The following EPHA6 variants were observed in gnomAD, a reference collection of about 807,000 sequenced individuals.
EPHA6 encodes EPH receptor A6, also known as ephrin type-A receptor 6.
Under a neutral mutation model 112.0 loss-of-function variants are expected in EPHA6, and 50 were observed. The observed-to-expected ratio is 0.45, with a 90% CI of 0.36 to 0.56. The LOEUF (loss-of-function observed/expected upper bound fraction) is 0.56, where lower values mean the gene tolerates loss of function less well. EPHA6 is among the 20% of genes least tolerant of loss of function. The pLI is 0.00. For synonymous variants in EPHA6, 529 were observed against 490.7 expected, an observed-to-expected ratio of 1.08 and a Z score of -1.03; for missense variants, 1,280 against 1,417.4, an observed-to-expected ratio of 0.90 and a Z score of 1.56.
At chr3:97,488,827 G>A (rs2091763272) in intron 10 of EPHA6, among the ~76,000 whole-genome samples, 1 of 152,158 alleles carries the variant, frequency 6.6e-6, no homozygotes, top group South Asian at 2.1e-4. Context: ...ATGTTGAGTA[G>A]ACTGAGAATA....
intron 10 of EPHA6, among the ~76,000 whole-genome samples, chr3:97,513,284 A>G (rs1330832876): frequency 6.6e-6 from 1 of 152,196 alleles, no homozygotes; most frequent in Non-Finnish European, 1.5e-5. Context: ...TGATCCATCA[A>G]TCCCACCACT....
At chr3:97,664,334 G>C (rs539586366) in intron 14 of EPHA6, among the ~76,000 whole-genome samples, 20 of 152,266 alleles carry the variant, frequency 1.3e-4, no homozygotes, top group African/African-American at 4.6e-4. Context: ...AAGCTCTTTA[G>C]TTTAATTAGA....
In EPHA6 at chr3:97,716,361, G is replaced by A. The variant is rs540582284; in HGVS notation, c.2785-3900G>A. Among the ~76,000 whole-genome samples the A allele has an allele frequency of 8.0e-5, 10 of 125,284 alleles. No individual in the cohort carries two copies. The South Asian group carries it at 2.2e-3, about 28-fold the overall frequency. 82.2% of individuals were successfully genotyped at this position (125,284 alleles called of 152,430 possible). On this transcript the variant is annotated intron_variant, in intron 14 of 17. Coordinates refer to ENST00000389672, the MANE Select transcript of EPHA6 (RefSeq NM_001080448.3). ...AGGCGGGTGGATCATGAGGTCAGGAGATCGAGACCATCCTGGCTAACAAGG... is the reference window on the plus strand; with the variant it reads ...AGGCGGGTGGATCATGAGGTCAGGAAATCGAGACCATCCTGGCTAACAAGG...
chr3:97,402,634 T>C (rs1467011878), intron 5 of EPHA6, among the ~76,000 whole-genome samples: 2 of 152,100 alleles, frequency 1.3e-5, no homozygotes, highest in African/African-American at 4.8e-5. Flanking sequence ...TTTTAAATAG[T>C]GAATTATCTG....
chr3:97,118,404 G>A (rs2047953698), intron 3 of EPHA6, among the ~76,000 whole-genome samples: 1 of 151,598 alleles, frequency 6.6e-6, no homozygotes, highest in Admixed American at 6.6e-5. Context: ...TATCTCATCA[G>A]CTGTCTAATG....
At chr3:97,371,936 GGTCAGAACGGTT>G (rs1324622611) in intron 5 of EPHA6, among the ~76,000 whole-genome samples, 1 of 152,058 alleles carries the variant, frequency 6.6e-6, no homozygotes, top group African/African-American at 2.4e-5. Flanking sequence ...AATAAATTTT[GGTCAGAACGGTT>G]GTCTGCTCTC....
At chr3:96,938,979 T>A (rs1451225397) in intron 2 of EPHA6, among the ~76,000 whole-genome samples, 1 of 152,188 alleles carries the variant, frequency 6.6e-6, no homozygotes, top group Non-Finnish European at 1.5e-5. Flanking sequence ...GTGGATAAGC[T>A]TTTTGATGTG....
At chr3:96,869,391 G>A (rs182342447) in intron 2 of EPHA6, among the ~76,000 whole-genome samples, 3 of 149,124 alleles carry the variant, frequency 2.0e-5, no homozygotes, top group South Asian at 2.2e-4. Flanking sequence ...AAAAAAAAAC[G>A]TGAAGGAATT....
At chr3:97,045,440 A>G (rs146579921) in intron 3 of EPHA6, among the ~76,000 whole-genome samples, 2 of 152,122 alleles carry the variant, frequency 1.3e-5, no homozygotes, top group East Asian at 3.9e-4. Context: ...TAGTCTTTTT[A>G]TGAAGCGTAC....
At chr3:97,192,618 C>G (rs1221826592) in intron 3 of EPHA6, among the ~76,000 whole-genome samples, 1 of 152,054 alleles carries the variant, frequency 6.6e-6, no homozygotes, top group African/African-American at 2.4e-5. Context: ...TGTGCAGAAG[C>G]TTTTTAACTT....
chr3:96,937,149 G>A (rs913492132), intron 2 of EPHA6, among the ~76,000 whole-genome samples: 1 of 152,128 alleles, frequency 6.6e-6, no homozygotes, highest in Admixed American at 6.5e-5. Context: ...TGGGTCAAAT[G>A]GTATTTCTAG....
At chr3:97,341,511 C>G (rs143579813) in intron 5 of EPHA6, among the ~76,000 whole-genome samples, 1 of 151,924 alleles carries the variant, frequency 6.6e-6, no homozygotes, top group Non-Finnish European at 1.5e-5. Flanking sequence ...CCCGCCACCA[C>G]GCCTGGCTAA....
At chr3:97,267,403 C>G (rs1196691605) in intron 5 of EPHA6, among the ~76,000 whole-genome samples, 1 of 151,726 alleles carries the variant, frequency 6.6e-6, no homozygotes, top group African/African-American at 2.4e-5. Context: ...CAGAGTCCAC[C>G]CCTATTAGAA....
At position 97,094,869 on chromosome 3, in the gene EPHA6, G is replaced by A. The variant is rs1295224922; in HGVS notation, c.1114+106876G>A. On this transcript the variant is annotated intron_variant, in intron 3 of 17. Coordinates refer to ENST00000389672, the MANE Select transcript of EPHA6 (RefSeq NM_001080448.3). The stretch of plus-strand genomic sequence containing the variant: ...AGAGTGTAGCCTTTATTAAATAAAT[G>A]TGATGTAACAAAATGTGTAAAGGAC... Among the ~76,000 whole-genome samples, 3 of 152,030 alleles carry A rather than the reference G, an allele frequency of 2.0e-5. No individual in the cohort carries two copies. The East Asian group carries it at 5.8e-4, about 29-fold the overall frequency.
At chr3:97,719,684 TGAAA>T (rs1422431399) in intron 14 of EPHA6, among the ~76,000 whole-genome samples, 3 of 152,220 alleles carry the variant, frequency 2.0e-5, no homozygotes, top group African/African-American at 7.2e-5. Flanking sequence ...TTAAAGTTTT[TGAAA>T]GAAAGATTAT....
chr3:97,192,707 A>G (rs766115729), intron 3 of EPHA6, among the ~76,000 whole-genome samples: 1 of 152,098 alleles, frequency 6.6e-6, no homozygotes, highest in Admixed American at 6.6e-5. Flanking sequence ...GCCCAGGCCA[A>G]TGTCTTGGAG....
chr3:96,838,566 T>G (rs1313223859), intron 1 of EPHA6, among the ~76,000 whole-genome samples: 1 of 152,170 alleles, frequency 6.6e-6, no homozygotes, highest in Non-Finnish European at 1.5e-5. Context: ...CATCTGTGTT[T>G]TTTGACTTTT....
chr3:97,209,297 T>TCACACACACACACAAA (rs906389825), intron 3 of EPHA6, among the ~76,000 whole-genome samples: 1 of 151,522 alleles, frequency 6.6e-6, no homozygotes, highest in Non-Finnish European at 1.5e-5. Flanking sequence ...ATGTCTCATG[T>TCACACACACACACAAA]CACACACACA....
At chr3:97,542,972 T>C (rs2092886943) in intron 11 of EPHA6, among the ~76,000 whole-genome samples, 1 of 152,226 alleles carries the variant, frequency 6.6e-6, no homozygotes, top group Admixed American at 6.5e-5. Flanking sequence ...TTTGTTTGAG[T>C]TCATTGTAGA....
Sources: allele counts gnomAD v4.1 joint callset (sites outside exome capture counted in the v4.1 genomes callset), GRCh38; gene constraint gnomAD v4.1.1; transcripts MANE v1.5; gene names NCBI Gene and HGNC (gene_info 2026-07-23, HGNC 2026-07-21).